Variants in CERCAM observed in about 807,000 individuals in gnomAD.
The protein encoded by CERCAM is cerebral endothelial cell adhesion molecule, also known as inactive glycosyltransferase 25 family member 3.
Under a neutral mutation model 66.0 loss-of-function variants are expected in CERCAM, and 59 were observed. The ratio of observed to expected loss-of-function variants is 0.89; its 90% CI spans 0.73 to 1.11. The LOEUF is 1.11. Among genes scored for constraint, CERCAM ranks in the 50% most tolerant of loss-of-function variants. CERCAM has a pLI of 0.00. For missense variants in CERCAM, 840 were observed against 828.3 expected, an observed-to-expected ratio of 1.01 and a Z score of -0.17; for synonymous variants, 318 against 343.6, an observed-to-expected ratio of 0.93 and a Z score of 0.83.
chr9:128,434,673 C>G lies in CERCAM; in HGVS notation c.1535+60C>G. On this transcript the variant is annotated intron_variant, in intron 11 of 12. Coordinates refer to ENST00000372838, the MANE Select transcript of CERCAM (RefSeq NM_016174.5). This position sits in a 1 kb window ranked among gnomAD's most constrained non-coding sequence, Gnocchi z 4.5. ...AGAGGCGTCCCCTCCAGGAACTCACCTCAGTCAGCAGGAAGTCCCCTCACC... is the reference window on the plus strand; with the variant it reads ...AGAGGCGTCCCCTCCAGGAACTCACGTCAGTCAGCAGGAAGTCCCCTCACC... The G allele has an allele frequency of 6.6e-7, 1 of 1,517,284 alleles. No individual in the cohort carries two copies. Among genetic ancestry groups the G allele is most frequent in the South Asian group, 1.2e-5 (1 of 85,020 alleles). The allele number at this position is 1,517,284 out of a possible 1,614,324, so 94.0% of individuals were successfully genotyped here.
At chr9:128,431,074 C>A (rs563352194) in intron 8 of CERCAM, 97 bp from the exon 9 acceptor site, 2 of 1,432,038 alleles carry the variant, frequency 1.4e-6, no homozygotes, top group Admixed American at 4.0e-5. Flanking sequence ...TCTTCAAACC[C>A]GACTCCAGTG....
chr9:128,428,459 G>T, intron 6 of CERCAM, 38 bp downstream of exon 6: 2 of 1,610,280 alleles, frequency 1.2e-6, no homozygotes, highest in South Asian at 2.2e-5. Context: ...CCTGCTGCCG[G>T]GGCTCCCTGC....
At chr9:128,421,108 C>A in intron 1 of CERCAM, 34 bp downstream of exon 1, 2 of 1,271,414 alleles carry the variant, frequency 1.6e-6, no homozygotes, top group South Asian at 2.7e-5. Flanking sequence ...CGAGTGGGCA[C>A]CTAACCCCCA....
chr9:128,429,142 G>A, intron 8 of CERCAM, 106 bp downstream of exon 8: 2 of 759,808 alleles, frequency 2.6e-6, no homozygotes, highest in Non-Finnish European at 4.2e-6. Flanking sequence ...TGAGTTTCCT[G>A]TCCCATGTAG....
chr9:128,422,862 C>T lies in CERCAM; in HGVS notation c.198-6C>T. Reference sequence around the variant, plus strand: ...CCCCCTCAGCCTTTTTTCTTCCCGTCCCCAGGTGTGCCACGGACCACAATG... The same window carrying T: ...CCCCCTCAGCCTTTTTTCTTCCCGTTCCCAGGTGTGCCACGGACCACAATG... On this transcript the variant is annotated splice_region_variant and splice_polypyrimidine_tract_variant and intron_variant, in intron 1 of 12. Coordinates refer to ENST00000372838, the MANE Select transcript of CERCAM (RefSeq NM_016174.5). The T allele has an allele frequency of 3.1e-6, 5 of 1,613,402 alleles. No homozygotes were observed. Among genetic ancestry groups the T allele is most frequent in the Admixed American group, 1.7e-5 (1 of 59,874 alleles).
At chr9:128,420,512 C>G (rs1008454065), upstream of CERCAM, 1 of 157,706 alleles carries the variant, frequency 6.3e-6, no homozygotes, top group East Asian at 1.8e-4. The surrounding 1 kb of genome is among the most constrained non-coding windows in gnomAD (Gnocchi z 5.0). Flanking sequence ...GTTCAACGCC[C>G]AGGGGTTCCA....
At position 128,421,445 on chromosome 9, in the gene CERCAM, G is replaced by A. The variant is rs183120030; in HGVS notation, c.197+371G>A. 4.0e-5 allele frequency: 41 copies of A among 1,019,714 alleles called. No individual in the cohort carries two copies. The African/African-American group carries it at 6.8e-4, about 17-fold the overall frequency. The allele number at this position is 1,019,714 out of a possible 1,614,324, so 63.2% of individuals were successfully genotyped here. ...GCTGGATTTGAAGAGGAGCAGACAGGAACCTCTGAAGTCCACTGGGGCCCA... is the reference window on the plus strand; with the variant it reads ...GCTGGATTTGAAGAGGAGCAGACAGAAACCTCTGAAGTCCACTGGGGCCCA... On this transcript the variant is annotated intron_variant, in intron 1 of 12. Transcript: ENST00000372838.
In CERCAM at chr9:128,431,245, G is replaced by A. The variant is rs1165754038; in HGVS notation, c.1145G>A (p.Arg382His). The change falls in exon 9 of 13, where the codon CGC becomes CAC. Residue 382 changes from arginine (R) to histidine (H), a missense_variant. Transcript: ENST00000372838. ...GGCTACCAGGACCCTTACTCGGGCC[G>A]CACTCTGACCAAGGGCGAGGTGGGC... Reference protein sequence around the residue: ...LPGYQDPYSGRTLTKGEVGCF... With the variant: ...LPGYQDPYSGHTLTKGEVGCF... 1.8e-5 allele frequency: 29 copies of A among 1,614,002 alleles called. No homozygotes were observed. The East Asian group carries it at 2.7e-4, about 15-fold the overall frequency.
intron 5 of CERCAM, 130 bp downstream of exon 5, chr9:128,424,744 C>T: frequency 1.3e-6 from 1 of 756,660 alleles, no homozygotes; most frequent in East Asian, 2.6e-5. Context: ...AACTTTGGGT[C>T]ATGAGTTTTC....
At position 128,434,752 on chromosome 9, in the gene CERCAM, C is replaced by T; in HGVS notation, c.1535+139C>T. Reference sequence around the variant, plus strand: ...GGCCAAGCCACTTGGCCCAGGTCACCAAGGAGTGGCTCAGCCTAGCCTTAG... The same window carrying T: ...GGCCAAGCCACTTGGCCCAGGTCACTAAGGAGTGGCTCAGCCTAGCCTTAG... On this transcript the variant is annotated intron_variant, in intron 11 of 12. Transcript: ENST00000372838. This position sits in a 1 kb window ranked among gnomAD's most constrained non-coding sequence, Gnocchi z 4.5. 1.3e-6 allele frequency: 1 copy of T among 755,748 alleles called. No individual in the cohort carries two copies. Among genetic ancestry groups the T allele is most frequent in the Non-Finnish European group, 2.1e-6 (1 of 469,312 alleles). The allele number at this position is 755,748 out of a possible 1,614,324, so 46.8% of individuals were successfully genotyped here.
At chr9:128,419,713 C>CT (rs1833664672), upstream of CERCAM, 1 of 152,226 alleles carries the variant, frequency 6.6e-6, no homozygotes, top group African/African-American at 2.4e-5. Context: ...CTGCAGAGTT[C>CT]TTTCCCTCCC....
In CERCAM at chr9:128,428,956, G is replaced by A; in HGVS notation, c.990G>A (p.Arg330=). ...TCTTTGTCATCAGCCTGGCTCGCAG[G>A]CCTGACCGTCGGGAACGCATGCTCG... ...DEVFVISLAR[R]PDRRERMLAS... Residue 330 remains arginine, a synonymous_variant, in exon 8 of 13, where the codon AGG becomes AGA. Coordinates refer to ENST00000372838, the MANE Select transcript of CERCAM (RefSeq NM_016174.5). 1 of 1,611,038 alleles carries A rather than the reference G, an allele frequency of 6.2e-7. No individual in the cohort carries two copies. The highest frequency in any genetic ancestry group is 8.5e-7 in the Non-Finnish European group (1 of 1,178,946).
At chr9:128,422,673 A>G in intron 1 of CERCAM, 195 bp from the exon 2 acceptor site, 1 of 569,456 alleles carries the variant, frequency 1.8e-6, no homozygotes, top group Non-Finnish European at 3.1e-6. Flanking sequence ...GACTTGCCTG[A>G]GGTCACACAG....
chr9:128,432,963 G>A (rs758602138), intron 9 of CERCAM, among the ~76,000 whole-genome samples: 4 of 151,952 alleles, frequency 2.6e-5, no homozygotes, highest in East Asian at 3.9e-4. Context: ...GTGAAACCCC[G>A]TCTCTACTAA....
At chr9:128,428,521 T>C (rs1833899611) in intron 6 of CERCAM, 100 bp downstream of exon 6, 2 of 1,447,336 alleles carry the variant, frequency 1.4e-6, no homozygotes, top group African/African-American at 2.8e-5. Context: ...GCATTGGCCT[T>C]GGGGTTCCAG....
At chr9:128,431,541 AGAG>A (rs1289538855) in intron 9 of CERCAM, 5 of 517,668 alleles carry the variant, frequency 9.7e-6, no homozygotes, top group Non-Finnish European at 1.7e-5. Flanking sequence ...CTGAGAACAC[AGAG>A]GAGGACAGGA....
chr9:128,429,632 G>A (rs1029609731), intron 8 of CERCAM, among the ~76,000 whole-genome samples: 14 of 151,436 alleles, frequency 9.2e-5, no homozygotes, highest in African/African-American at 1.2e-4. Context: ...CAGCGTCTCC[G>A]TCTGTTGCCC....
At chr9:128,424,348 T>C (rs1250906561) in intron 4 of CERCAM, 62 bp from the exon 5 acceptor site, 2 of 1,612,364 alleles carry the variant, frequency 1.2e-6, no homozygotes, top group Non-Finnish European at 1.7e-6. Flanking sequence ...GCCTGAGGCC[T>C]TGGGGTCTGT....
rs1213246939 is a variant in CERCAM, at chr9:128,423,243, T to TG, written c.412dup (p.Ala138GlyfsTer87). ...GGAAGCCCTCACCTTTGCCAGGAAC[T>TG]GGGGGGCCGACTATATCCTGGTGAG... On this transcript the variant is annotated frameshift_variant, in exon 3 of 13. Transcript: ENST00000372838. LOFTEE classifies it high-confidence loss of function. 4.3e-6 allele frequency: 7 copies of TG among 1,613,750 alleles called. No individual in the cohort carries two copies. Among genetic ancestry groups the TG allele is most frequent in the East Asian group, 4.5e-5 (2 of 44,894 alleles).
Sources: gnomAD v4.1 joint callset for allele counts (sites outside exome capture counted in the v4.1 genomes callset) on GRCh38, gnomAD v4.1.1 for gene constraint, Gnocchi (gnomAD v3.1) non-coding constraint, MANE v1.5 for transcripts, NCBI Gene and HGNC (gene_info 2026-07-23, HGNC 2026-07-21) for gene names.